Variants in TPM1 observed in about 807,000 individuals in gnomAD.
TPM1 encodes tropomyosin alpha-1 chain.
Under a neutral mutation model 42.9 loss-of-function variants are expected in TPM1, and 24 were observed. The ratio of observed to expected loss-of-function variants is 0.56; its 90% confidence interval spans 0.41 to 0.79. TPM1 has a LOEUF of 0.79. Among genes scored for constraint, TPM1 ranks in the 30% least tolerant of loss-of-function variants. The pLI, the probability that TPM1 is intolerant of heterozygous loss-of-function variation, is 0.00. For missense variants in TPM1, 158 were observed against 351.8 expected (o/e 0.45, Z 4.41); for synonymous variants, 136 against 130.1 (o/e 1.05, Z -0.31).
chr15:63,060,700 T>C (rs1335821026), intron 4 of TPM1, among the ~76,000 whole-genome samples, 169 bp from the exon 5 acceptor site: 1 of 152,222 alleles, frequency 6.6e-6, no homozygotes, highest in East Asian at 1.9e-4. Context: ...TCCTCTCTGC[T>C]GGCACTCCTA....
chr15:63,070,702 C>T (rs902607320), downstream of TPM1: 1 of 1,047,596 alleles, frequency 9.5e-7, no homozygotes, highest in African/African-American at 1.7e-5. Flanking sequence ...CTTTTAACTG[C>T]CTGTACCTTG....
At chr15:63,064,035 C>T (rs1376223057) in intron 8 of TPM1, 29 bp from the exon 9 acceptor site, 9 of 1,612,992 alleles carry the variant, frequency 5.6e-6, no homozygotes, top group Non-Finnish European at 6.8e-6. Flanking sequence ...CATGTTCTTG[C>T]ACCTCTGCCT....
At position 63,059,579 on chromosome 15, in the gene TPM1, G is replaced by T; in HGVS notation, c.391G>T (p.Glu131Ter). The T allele has an allele frequency of 1.2e-6, 2 of 1,610,466 alleles. No individual in the cohort carries two copies. The highest frequency in any genetic ancestry group is 2.2e-5 in the South Asian group (2 of 90,876). The change falls in exon 4 of 10, where the codon GAG becomes TAG. Residue 131 changes from glutamate to a stop codon, truncating the protein, a stop_gained. Transcript: ENST00000403994. LOFTEE classifies it high-confidence loss of function. ...DESERGMKVI[E>*]SRAQKDEEKM... ...TCTTTTCAGAGGCATGAAAGTCATT[G>T]AGAGTCGAGCCCAAAAAGATGAAGA... is the stretch of plus-strand genomic sequence containing the variant.
At chr15:63,051,644 C>T (rs1255554190) in intron 2 of TPM1, among the ~76,000 whole-genome samples, 1 of 152,048 alleles carries the variant, frequency 6.6e-6, no homozygotes, top group Non-Finnish European at 1.5e-5. Context: ...CGTATAACTA[C>T]AGTTTGCATG....
chr15:63,064,460 GC>G (rs2036045164), intron 9 of TPM1: 8 of 1,159,256 alleles, frequency 6.9e-6, no homozygotes, highest in Non-Finnish European at 8.5e-6. Flanking sequence ...AAACTAGAAG[GC>G]CATGCCGTTT....
At chr15:63,043,037 C>A in intron 1 of TPM1, 94 bp downstream of exon 1, 4 of 1,125,664 alleles carry the variant, frequency 3.6e-6, no homozygotes, top group Non-Finnish European at 3.9e-6. Flanking sequence ...ACTCGGGGAG[C>A]CACCACCCTA....
chr15:63,047,342 G>A (rs1428897286), intron 2 of TPM1: 2 of 152,276 alleles, frequency 1.3e-5, no homozygotes, highest in Non-Finnish European at 2.9e-5. Flanking sequence ...CCACACATAA[G>A]GGAGCTGGCT....
intron 2 of TPM1, among the ~76,000 whole-genome samples, chr15:63,050,151 G>A (rs1239916671): frequency 2.0e-5 from 3 of 152,226 alleles, no homozygotes; most frequent in Non-Finnish European, 4.4e-5. Flanking sequence ...GGTAAGTGCT[G>A]TGTGCCCGCT....
intron 6 of TPM1, 147 bp downstream of exon 6, chr15:63,061,935 C>T: frequency 1.3e-6 from 1 of 763,640 alleles, no homozygotes; most frequent in Non-Finnish European, 2.2e-6. Flanking sequence ...ATAACAAATT[C>T]TTTTTTTTAA....
chr15:63,065,072 C>T (rs2036131829), intron 9 of TPM1: 2 of 985,154 alleles, frequency 2.0e-6, no homozygotes, highest in East Asian at 1.1e-4. Context: ...TAAATATTTA[C>T]CACAACCTGT....
intron 8 of TPM1, chr15:63,063,073 G>GTT: frequency 1.0e-6 from 1 of 979,350 alleles, no homozygotes; most frequent in Non-Finnish European, 1.2e-6. Context: ...GGATTTAGGG[G>GTT]TTATTTTAAG....
At chr15:63,048,682 A>G (rs2033076707) in intron 2 of TPM1, 2 of 1,539,448 alleles carry the variant, frequency 1.3e-6, no homozygotes, top group Non-Finnish European at 1.7e-6. Context: ...CGCGAGCTGG[A>G]CCACGAGAGG....
At chr15:63,043,538 C>T in intron 1 of TPM1, 1 of 1,117,880 alleles carries the variant, frequency 8.9e-7, no homozygotes, top group Non-Finnish European at 1.3e-6. Flanking sequence ...GGGTGAGCCG[C>T]GGAGCGGTTC....
At chr15:63,055,868 T>C (rs1238216592) in intron 2 of TPM1, 1 of 152,334 alleles carries the variant, frequency 6.6e-6, no homozygotes, top group Non-Finnish European at 1.5e-5. Context: ...CTGAGGCTCA[T>C]AGCAACAATT....
At chr15:63,063,711 A>G (rs958714852) in intron 8 of TPM1, 1 of 237,984 alleles carries the variant, frequency 4.2e-6, no homozygotes, top group Non-Finnish European at 8.3e-6. Flanking sequence ...GCTCTGCAAA[A>G]GAAAGATGTT....
chr15:63,057,227 G>A (rs2034948603), intron 3 of TPM1, 109 bp downstream of exon 3: 4 of 1,477,592 alleles, frequency 2.7e-6, no homozygotes, highest in Non-Finnish European at 3.7e-6. Flanking sequence ...CCTGGTGGTG[G>A]GATCATTTCC....
chr15:63,059,795 G>A lies in TPM1; in HGVS notation c.492+115G>A, dbSNP rs913052867. 9 of 753,964 alleles carry A rather than the reference G, an allele frequency of 1.2e-5. No individual in the cohort carries two copies. In the African/African-American group the frequency reaches 1.4e-4, roughly 12 times the overall value. The allele number at this position is 753,964 out of a possible 1,614,324, so 46.7% of individuals were successfully genotyped here. A position where few individuals can be genotyped will look rare whatever the true frequency, so the allele number is the denominator to read the frequency against. ...GGCCATCTGCTTTGTTGGCAGAAAT[G>A]GGTGGTTTTGAGAAGCAGAGTTCCT... On this transcript the variant is annotated intron_variant, in intron 4 of 9. Coordinates refer to ENST00000403994, the MANE Select transcript of TPM1 (RefSeq NM_001018005.2).
intron 8 of TPM1, 91 bp downstream of exon 8, chr15:63,062,736 A>G: frequency 6.2e-7 from 1 of 1,604,812 alleles, no homozygotes; most frequent in Non-Finnish European, 8.5e-7. Context: ...ATCCACATTG[A>G]TACGCTCCTT....
intron 6 of TPM1, 51 bp from the exon 7 acceptor site, chr15:63,062,162 CAT>C: frequency 6.5e-7 from 1 of 1,535,320 alleles, no homozygotes; most frequent in South Asian, 1.1e-5. Context: ...CATGAGAAGC[CAT>C]GAGTAGATTG....
Sources: gnomAD v4.1 joint callset for allele counts (sites outside exome capture counted in the v4.1 genomes callset) on GRCh38, gnomAD v4.1.1 for gene constraint, MANE v1.5 for transcripts, NCBI Gene and HGNC (gene_info 2026-07-23, HGNC 2026-07-21) for gene names.